The following NR4A2 variants were observed in gnomAD, a reference collection of about 807,000 sequenced individuals.
The protein encoded by NR4A2 is nuclear receptor subfamily 4 group A member 2, also known as NGFI-B/nur77 beta-type transcription factor homolog.
A neutral mutation model predicts 50.5 loss-of-function variants in NR4A2; 1 was observed. The ratio of observed to expected loss-of-function variants is 0.02; its 90% CI spans 0.01 to 0.09. NR4A2 has a LOEUF of 0.09. Ranked by LOEUF, NR4A2 falls within the 10% of genes least tolerant of loss-of-function variation. The probability of loss-of-function intolerance (pLI) is 1.00; values close to 1 mark genes in which losing one functional copy is unlikely to be tolerated. For synonymous variants in NR4A2, 328 were observed against 309.4 expected (o/e 1.06, Z -0.63); for missense variants, 613 against 777.3 (o/e 0.79, Z 2.51).
Position 156,329,812 on chromosome 2 carries a change from G to C in NR4A2, c.375C>G (p.Ser125=). The C allele has an allele frequency of 6.2e-7, 1 of 1,613,818 alleles. No homozygotes were observed. Among genetic ancestry groups the C allele is most frequent in the Non-Finnish European group, 8.5e-7 (1 of 1,179,724 alleles). The stretch of plus-strand genomic sequence containing the variant: ...CCGGGGTGGTGGGCGTCGGGGGCGA[G>C]GAGGGCTTGTAGTAAACCGACCCGG... ...PHSGSVYYKP[S]SPPTPTTPGF... The change falls in exon 3 of 8, where the codon TCC becomes TCG. Residue 125 remains serine, a synonymous_variant. Coordinates refer to ENST00000339562, the MANE Select transcript of NR4A2 (RefSeq NM_006186.4). The surrounding 1 kb of genome is among the most constrained non-coding windows in gnomAD (Gnocchi z 7.5).
At chr2:156,327,223 G>A (rs963767311) in intron 5 of NR4A2, among the ~76,000 whole-genome samples, 3 of 152,184 alleles carry the variant, frequency 2.0e-5, no homozygotes, top group African/African-American at 7.2e-5. Flanking sequence ...GCTAGTCCCA[G>A]AGTGGGCCTC....
chr2:156,328,357 T>A lies in NR4A2; in HGVS notation c.994+47A>T, dbSNP rs1369513108. On this transcript the variant is annotated intron_variant, in intron 4 of 7. Transcript: ENST00000339562. This position sits in a 1 kb window ranked among gnomAD's most constrained non-coding sequence, Gnocchi z 4.9. ...CGTGATGCTGGAGTATGAGCAGTGG[T>A]TTCCTAAAGGCGCAAACTGGAGGGT... 1.2e-6 allele frequency: 2 copies of A among 1,613,502 alleles called. No homozygotes were observed. The highest frequency in any genetic ancestry group is 1.7e-6 in the Non-Finnish European group (2 of 1,179,840).
At position 156,326,990 on chromosome 2, in the gene NR4A2, C is replaced by T. The variant is rs1004367921; in HGVS notation, c.1159-70G>A. The T allele has an allele frequency of 1.3e-4, 188 of 1,474,380 alleles. 1 individual carries two copies. Among genetic ancestry groups the T allele is most frequent in the Middle Eastern group, 2.1e-4 (1 of 4,870 alleles). 91.3% of individuals were successfully genotyped at this position (1,474,380 alleles called of 1,614,324 possible). A position where few individuals can be genotyped will look rare whatever the true frequency, so the allele number is the denominator to read the frequency against. ...ATATAACCCGTGAAATTGCTAACCC[C>T]GTTTCTAATAGGGGAGCCAGGTTTT... is the stretch of plus-strand genomic sequence containing the variant. On this transcript the variant is annotated intron_variant, in intron 5 of 7. Coordinates refer to ENST00000339562, the MANE Select transcript of NR4A2 (RefSeq NM_006186.4). The surrounding 1 kb of genome is among the most constrained non-coding windows in gnomAD (Gnocchi z 4.2).
chr2:156,328,138 T>A lies in NR4A2; in HGVS notation c.995-124A>T. 4 of 1,295,470 alleles carry A rather than the reference T, an allele frequency of 3.1e-6. No individual in the cohort carries two copies. Among genetic ancestry groups the A allele is most frequent in the South Asian group, 2.6e-5 (2 of 77,446 alleles). The allele number at this position is 1,295,470 out of a possible 1,614,324, so 80.2% of individuals were successfully genotyped here. On this transcript the variant is annotated intron_variant, in intron 4 of 7. Transcript: ENST00000339562. The surrounding 1 kb of genome is among the most constrained non-coding windows in gnomAD (Gnocchi z 4.9). Reference sequence around the variant, plus strand: ...GCTGAGCGGCTGAGGGCCCCAGTGCTTGTAAAGCCTTCACTGACTAGAAGC... The same window carrying A: ...GCTGAGCGGCTGAGGGCCCCAGTGCATGTAAAGCCTTCACTGACTAGAAGC...
chr2:156,330,405 G>A (rs1686870116), intron 2 of NR4A2, among the ~76,000 whole-genome samples: 1 of 151,948 alleles, frequency 6.6e-6, no homozygotes, highest in African/African-American at 2.4e-5. Flanking sequence ...AGCTACTGAG[G>A]GTCTACACTC....
intron 2 of NR4A2, among the ~76,000 whole-genome samples, 181 bp downstream of exon 2, chr2:156,330,487 C>A (rs549916498): frequency 6.6e-6 from 1 of 152,282 alleles, no homozygotes; most frequent in Admixed American, 6.5e-5. Context: ...CTCTGAAGCT[C>A]AGATTCAGCA....
In NR4A2 at chr2:156,326,105, C is replaced by T; in HGVS notation, c.1540+45G>A. The T allele has an allele frequency of 6.2e-7, 1 of 1,613,660 alleles. No homozygotes were observed. The highest frequency in any genetic ancestry group is 8.5e-7 in the Non-Finnish European group (1 of 1,179,714). On this transcript the variant is annotated intron_variant, in intron 7 of 7. Coordinates refer to ENST00000339562, the MANE Select transcript of NR4A2 (RefSeq NM_006186.4). This position sits in a 1 kb window ranked among gnomAD's most constrained non-coding sequence, Gnocchi z 4.2. ...CAAGGGAAACTCAGGACAAATCCTG[C>T]TAGGCAGTTCTGGAGGGGAAGCGCC...
Position 156,328,622 on chromosome 2 carries a change from T to G in NR4A2, c.865-89A>C. On this transcript the variant is annotated intron_variant, in intron 3 of 7. Transcript: ENST00000339562. This position sits in a 1 kb window ranked among gnomAD's most constrained non-coding sequence, Gnocchi z 4.9. ...GAAAATTTCTGTTATGTGACTGGGG[T>G]CTACGATTCCTCCCCACAAACAAAC... is the stretch of plus-strand genomic sequence containing the variant. The G allele has an allele frequency of 6.7e-7, 1 of 1,500,794 alleles. No homozygotes were observed. Among genetic ancestry groups the G allele is most frequent in the African/African-American group, 1.4e-5 (1 of 72,736 alleles). 93.0% of individuals were successfully genotyped at this position (1,500,794 alleles called of 1,614,324 possible). A position where few individuals can be genotyped will look rare whatever the true frequency, so the allele number is the denominator to read the frequency against.
intron 5 of NR4A2, 46 bp downstream of exon 5, chr2:156,327,805 C>T (rs1231982957): frequency 3.2e-6 from 5 of 1,552,850 alleles, no homozygotes; most frequent in Non-Finnish European, 4.4e-6. Context: ...GGGTCCTGCC[C>T]ATCTGTCGGT....
Position 156,327,936 on chromosome 2 carries a change from G to T in NR4A2, c.1073C>A (p.Pro358His). The change falls in exon 5 of 8, where the codon CCT becomes CAT. Residue 358 changes from proline (P) to histidine (H), a missense_variant. By Grantham distance (77) the Pro-to-His change is moderately conservative. Transcript: ENST00000339562. ...ACTGATCAGACTCACCGGGGGCGAA[G>T]GGGGAGAGGGCTCCTGTGGGCTCTT... Reference protein sequence around the residue: ...KPKSPQEPSPPSPPVSLISAL... With the variant: ...KPKSPQEPSPHSPPVSLISAL... 1 of 1,597,218 alleles carries T rather than the reference G, an allele frequency of 6.3e-7. No homozygotes were observed. The highest frequency in any genetic ancestry group is 8.5e-7 in the Non-Finnish European group (1 of 1,170,886).
At chr2:156,330,312 A>G (rs987386026) in intron 2 of NR4A2, 124 bp from the exon 3 acceptor site, 7 of 1,093,544 alleles carry the variant, frequency 6.4e-6, no homozygotes, top group Non-Finnish European at 8.1e-6. Context: ...GGGGCGCGAG[A>G]GGAAAGGCAG....
In NR4A2 at chr2:156,328,116, G is replaced by A; in HGVS notation, c.995-102C>T. ...GGCCGCAGCCGCGGGGCACCAGGCTGAGCGGCTGAGGGCCCCAGTGCTTGT... is the reference window on the plus strand; with the variant it reads ...GGCCGCAGCCGCGGGGCACCAGGCTAAGCGGCTGAGGGCCCCAGTGCTTGT... On this transcript the variant is annotated intron_variant, in intron 4 of 7. Coordinates refer to ENST00000339562, the MANE Select transcript of NR4A2 (RefSeq NM_006186.4). This position sits in a 1 kb window ranked among gnomAD's most constrained non-coding sequence, Gnocchi z 4.9. 1.4e-6 allele frequency: 2 copies of A among 1,472,332 alleles called. No individual in the cohort carries two copies. Among genetic ancestry groups the A allele is most frequent in the Non-Finnish European group, 1.9e-6 (2 of 1,077,568 alleles). The allele number at this position is 1,472,332 out of a possible 1,614,324, so 91.2% of individuals were successfully genotyped here. A position where few individuals can be genotyped will look rare whatever the true frequency, so the allele number is the denominator to read the frequency against.
rs754575400 is a variant in NR4A2 at position 156,326,801 on chromosome 2, G to A, written c.1278C>T (p.Gly426=). 16 of 1,614,120 alleles carry A rather than the reference G, an allele frequency of 9.9e-6. No homozygotes were observed. The highest frequency in any genetic ancestry group is 1.4e-5 in the Non-Finnish European group (16 of 1,180,056). Residue 426 remains glycine, a synonymous_variant, in exon 6 of 8, where the codon GGC becomes GGT. Transcript: ENST00000339562. This position sits in a 1 kb window ranked among gnomAD's most constrained non-coding sequence, Gnocchi z 4.2. Reference sequence around the variant, plus strand: ...GGTCGGCTTTGGGCAGGTCTGCGAAGCCAGGGATCTTCTCTGCCCAGCCCC... The same window carrying A: ...GGTCGGCTTTGGGCAGGTCTGCGAAACCAGGGATCTTCTCTGCCCAGCCCC... ...IIRGWAEKIP[G]FADLPKADQD...
At position 156,325,672 on chromosome 2, in the gene NR4A2, CCCA is replaced by C; in HGVS notation, c.*69_*71del. 1 of 1,580,970 alleles carries C rather than the reference CCCA, an allele frequency of 6.3e-7. No individual in the cohort carries two copies. The highest frequency in any genetic ancestry group is 1.1e-5 in the South Asian group (1 of 89,712). On this transcript the variant is annotated 3_prime_UTR_variant, in exon 8 of 8. Coordinates refer to ENST00000339562, the MANE Select transcript of NR4A2 (RefSeq NM_006186.4). The stretch of plus-strand genomic sequence containing the variant: ...GAGACTGCTCACACGGCTATCTCTG[CCCA>C]TGTGACTTGCCCCCTCTTGACAGTT...
chr2:156,326,809 T>C lies in NR4A2; in HGVS notation c.1270A>G (p.Ile424Val), dbSNP rs1264358100. ...MEIIRGWAEKIPGFADLPKAD... is the reference protein window; with the variant it reads ...MEIIRGWAEKVPGFADLPKAD... The stretch of plus-strand genomic sequence containing the variant: ...TTGGGCAGGTCTGCGAAGCCAGGGA[T>C]CTTCTCTGCCCAGCCCCGGATGATC... Residue 424 changes from isoleucine to valine, a missense_variant, in exon 6 of 8, where the codon ATC becomes GTC. Transcript: ENST00000339562. This position sits in a 1 kb window ranked among gnomAD's most constrained non-coding sequence, Gnocchi z 4.2. The C allele has an allele frequency of 9.9e-6, 16 of 1,614,066 alleles. No individual in the cohort carries two copies. Among genetic ancestry groups the C allele is most frequent in the African/African-American group, 2.7e-5 (2 of 74,918 alleles).
Position 156,325,568 on chromosome 2 carries a change from C to T in NR4A2, c.*176G>A, listed in dbSNP as rs1046952566. ...CTGCCTGCAGGTTAGGAAATAGCAA[C>T]AGTTTTTGTTTGTTTGTTTGTTTTC... On this transcript the variant is annotated 3_prime_UTR_variant, in exon 8 of 8. Transcript: ENST00000339562. 1 of 856,520 alleles carries T rather than the reference C, an allele frequency of 1.2e-6. No homozygotes were observed. The highest frequency in any genetic ancestry group is 1.8e-6 in the Non-Finnish European group (1 of 542,546). The allele number at this position is 856,520 out of a possible 1,614,324, so 53.1% of individuals were successfully genotyped here. A position where few individuals can be genotyped will look rare whatever the true frequency, so the allele number is the denominator to read the frequency against.
chr2:156,327,633 TCTC>T (rs1294514220), intron 5 of NR4A2, among the ~76,000 whole-genome samples: 2 of 152,066 alleles, frequency 1.3e-5, no homozygotes, highest in African/African-American at 4.8e-5. Flanking sequence ...GGCGTGTCCC[TCTC>T]CTCCTTCCTC....
chr2:156,327,303 T>C (rs1235651996), intron 5 of NR4A2, among the ~76,000 whole-genome samples: 1 of 152,078 alleles, frequency 6.6e-6, no homozygotes, highest in Non-Finnish European at 1.5e-5. Flanking sequence ...ACATACTTCC[T>C]CCAATTAAAG....
chr2:156,330,642 A>C, intron 2 of NR4A2, 26 bp downstream of exon 2: 1 of 1,309,422 alleles, frequency 7.6e-7, no homozygotes, highest in Non-Finnish European at 9.7e-7. Flanking sequence ...CTGGAGAGTA[A>C]AGGAAAGAAA....
Sources: allele counts gnomAD v4.1 joint callset (sites outside exome capture counted in the v4.1 genomes callset), GRCh38; gene constraint gnomAD v4.1.1; non-coding constraint Gnocchi (gnomAD v3.1); transcripts MANE v1.5; gene names NCBI Gene and HGNC (gene_info 2026-07-23, HGNC 2026-07-21).